The following COX7B2 variants were observed in gnomAD, a reference collection of about 807,000 sequenced individuals.
The protein encoded by COX7B2 is cytochrome c oxidase subunit 7B2, also known as cytochrome c oxidase subunit 7B2, mitochondrial.
For missense variants in COX7B2, 109 were observed against 95.9 expected, an observed-to-expected ratio of 1.14 and a Z score of -0.57; for synonymous variants, 37 against 32.1, an observed-to-expected ratio of 1.15 and a Z score of -0.51.
chr4:46,824,235 C>T (rs1021007699), intron 2 of COX7B2, among the ~76,000 whole-genome samples: 3 of 152,112 alleles, frequency 2.0e-5, no homozygotes, highest in African/African-American at 7.2e-5. Context: ...AATTCTACAG[C>T]TGTACAAAGA....
chr4:46,896,456 G>A (rs1448291079), intron 1 of COX7B2, among the ~76,000 whole-genome samples: 1 of 152,068 alleles, frequency 6.6e-6, no homozygotes, highest in Non-Finnish European at 1.5e-5. Flanking sequence ...AAGTCTACAT[G>A]TTTCCTAAAA....
chr4:46,824,983 G>A (rs1480516927), intron 2 of COX7B2, among the ~76,000 whole-genome samples: 1 of 151,978 alleles, frequency 6.6e-6, no homozygotes, highest in Non-Finnish European at 1.5e-5. Context: ...AGACAAAGAT[G>A]TGATGCCCTC....
At chr4:46,786,117 GA>G (rs1301582329) in intron 2 of COX7B2, among the ~76,000 whole-genome samples, 1 of 151,848 alleles carries the variant, frequency 6.6e-6, no homozygotes, top group Non-Finnish European at 1.5e-5. Flanking sequence ...ACATGCAAGT[GA>G]ACAAAAACAG....
At chr4:46,742,229 A>G (rs906726295) in intron 2 of COX7B2, among the ~76,000 whole-genome samples, 33 of 151,844 alleles carry the variant, frequency 2.2e-4, no homozygotes, top group African/African-American at 6.5e-4. Context: ...TGGAGCTAGG[A>G]CTCCTGGACA....
At chr4:46,737,628 T>A (rs1714443598) in intron 2 of COX7B2, among the ~76,000 whole-genome samples, 1 of 152,156 alleles carries the variant, frequency 6.6e-6, no homozygotes, top group Admixed American at 6.6e-5. Context: ...TAGCCAAAAT[T>A]ATTTTATTTC....
intron 1 of COX7B2, among the ~76,000 whole-genome samples, chr4:46,898,039 AC>A (rs953620836): frequency 2.6e-5 from 4 of 152,086 alleles, no homozygotes; most frequent in African/African-American, 9.7e-5. Flanking sequence ...CAAAGGGCTT[AC>A]TCATTCTCAT....
At chr4:46,772,302 A>G (rs1716919765) in intron 2 of COX7B2, among the ~76,000 whole-genome samples, 1 of 152,136 alleles carries the variant, frequency 6.6e-6, no homozygotes, top group African/African-American at 2.4e-5. Context: ...TGTGGGGGAA[A>G]TGGGGAGTTG....
intron 2 of COX7B2, among the ~76,000 whole-genome samples, chr4:46,807,061 T>C (rs1719036096): frequency 1.3e-5 from 2 of 151,922 alleles, no homozygotes; most frequent in African/African-American, 4.8e-5. Flanking sequence ...GATGATACTG[T>C]ACTTCTATTT....
At chr4:46,807,498 G>GT (rs141576144) in intron 2 of COX7B2, among the ~76,000 whole-genome samples, 1 of 151,750 alleles carries the variant, frequency 6.6e-6, no homozygotes, top group Non-Finnish European at 1.5e-5. Context: ...CTATACAGGA[G>GT]TTTTTTTAGT....
chr4:46,898,695 G>A (rs1224565377), intron 1 of COX7B2, among the ~76,000 whole-genome samples: 1 of 152,108 alleles, frequency 6.6e-6, no homozygotes, highest in African/African-American at 2.4e-5. Context: ...AAAATGCTGG[G>A]ATTACAAGCG....
At chr4:46,810,139 T>G (rs1184854302) in intron 2 of COX7B2, among the ~76,000 whole-genome samples, 1 of 151,986 alleles carries the variant, frequency 6.6e-6, no homozygotes, top group Non-Finnish European at 1.5e-5. Flanking sequence ...AAAGCTTGAG[T>G]GGGTCTCTTT....
At chr4:46,887,967 CA>C (rs1719184281) in intron 1 of COX7B2, among the ~76,000 whole-genome samples, 1 of 152,230 alleles carries the variant, frequency 6.6e-6, no homozygotes, top group East Asian at 1.9e-4. Context: ...AGTAGGCTGC[CA>C]ACCCCTACTG....
intron 2 of COX7B2, among the ~76,000 whole-genome samples, chr4:46,794,769 T>C (rs183693411): frequency 3.7e-4 from 57 of 152,224 alleles, no homozygotes; most frequent in Non-Finnish European, 8.8e-5. Flanking sequence ...CACACAGACT[T>C]ATGGTGTTGG....
chr4:46,837,375 A>G (rs531175841), intron 2 of COX7B2, among the ~76,000 whole-genome samples: 17 of 151,966 alleles, frequency 1.1e-4, no homozygotes, highest in African/African-American at 3.6e-4. Context: ...AACATGGATA[A>G]ACCCTGAAAA....
In COX7B2 at chr4:46,903,472, T is replaced by A. The variant is rs560392799; in HGVS notation, c.-105+5688A>T. On this transcript the variant is annotated intron_variant, in intron 1 of 2. Transcript: ENST00000355591. ...CGCAATTACTTAGTTTTTTTTTTTT[T>A]AAATAAATTCAGTGTAGCCTAAGTG... Among the ~76,000 whole-genome samples the A allele has an allele frequency of 2.0e-3, 303 of 152,032 alleles. 1 individual carries two copies. Among genetic ancestry groups the A allele is most frequent in the African/African-American group, 7.0e-3 (290 of 41,418 alleles).
At chr4:46,856,984 T>C (rs1055711836) in intron 1 of COX7B2, among the ~76,000 whole-genome samples, 1 of 152,196 alleles carries the variant, frequency 6.6e-6, no homozygotes, top group African/African-American at 2.4e-5. Flanking sequence ...GCAGAAACTT[T>C]TAACTTTAAA....
intron 1 of COX7B2, among the ~76,000 whole-genome samples, chr4:46,856,545 T>C (rs912767952): frequency 2.6e-5 from 4 of 152,156 alleles, no homozygotes; most frequent in Admixed American, 1.3e-4. Context: ...TTTCCTCCCA[T>C]AGTGACTCAT....
At chr4:46,839,085 T>C (rs1397683049) in intron 2 of COX7B2, among the ~76,000 whole-genome samples, 2 of 152,132 alleles carry the variant, frequency 1.3e-5, no homozygotes, top group East Asian at 3.9e-4. Context: ...ATTTTATAAA[T>C]AGTATCCTTA....
intron 2 of COX7B2, among the ~76,000 whole-genome samples, chr4:46,769,140 T>TA (rs1716725284): frequency 6.6e-6 from 1 of 151,870 alleles, no homozygotes; most frequent in South Asian, 2.1e-4. Flanking sequence ...ATAATAAAAT[T>TA]TTTTTAAAAA....
Sources: allele counts gnomAD v4.1 joint callset (sites outside exome capture counted in the v4.1 genomes callset), GRCh38; gene constraint gnomAD v4.1.1; transcripts MANE v1.5; gene names NCBI Gene and HGNC (gene_info 2026-07-23, HGNC 2026-07-21).